The following CD163L1 variants were observed in gnomAD, a reference collection of about 807,000 sequenced individuals.
CD163L1 encodes the protein CD163 molecule like 1.
CD163L1 carries 124 observed loss-of-function variants against 165.4 expected under a neutral mutation model. That is an observed-to-expected ratio of 0.75 (90% CI 0.65 to 0.87). The LOEUF (loss-of-function observed/expected upper bound fraction) is 0.87, where lower values mean the gene tolerates loss of function less well. Among genes scored for constraint, CD163L1 ranks in the 40% least tolerant of loss-of-function variants. CD163L1 has a pLI of 0.00. For synonymous variants in CD163L1, 585 were observed against 662.2 expected (o/e 0.88, Z 1.79); for missense variants, 1,525 against 1,799.9 (o/e 0.85, Z 2.76).
At chr12:7,339,618 TG>T in the CD163L1 span, among the ~76,000 whole-genome samples, 3 of 152,120 alleles carry the variant, frequency 2.0e-5, no homozygotes, top group African/African-American at 7.2e-5. Flanking sequence ...CTCTTCAAAG[TG>T]TGTGCATGAC....
At chr12:7,323,564 T>A in the CD163L1 span, 2 of 1,610,110 alleles carry the variant, frequency 1.2e-6, no homozygotes, top group East Asian at 4.5e-5. Flanking sequence ...ATATGTGGTA[T>A]GAGGATAGAA....
chr12:7,390,485 G>A (rs777648780), intron 8 of CD163L1, among the ~76,000 whole-genome samples: 176 of 152,066 alleles, frequency 1.2e-3, no homozygotes, highest in African/African-American at 4.1e-3. Context: ...CCATAAATAC[G>A]TACACATATT....
At chr12:7,421,048 T>TACATATATATATAC (rs1491151771) in intron 4 of CD163L1, among the ~76,000 whole-genome samples, 2 of 85,880 alleles carry the variant, frequency 2.3e-5, no homozygotes, top group Admixed American at 1.6e-4. Context: ...TGTATATATA[T>TACATATATATATAC]GTATATACGT....
At chr12:7,424,388 T>C (rs1475461748) in intron 4 of CD163L1, among the ~76,000 whole-genome samples, 2 of 151,948 alleles carry the variant, frequency 1.3e-5, no homozygotes, top group East Asian at 3.9e-4. Context: ...TCATACTGAA[T>C]GGGCAAAAGC....
chr12:7,424,464 AT>A, intron 4 of CD163L1, among the ~76,000 whole-genome samples: 3 of 152,220 alleles, frequency 2.0e-5, no homozygotes, highest in African/African-American at 7.2e-5. Flanking sequence ...CCTATTCAAC[AT>A]AGTGTTGGAA....
rs964025273 is a variant in CD163L1, at chr12:7,374,945, G to A, written c.3002-22C>T. 1.9e-6 allele frequency: 3 copies of A among 1,609,842 alleles called. No homozygotes were observed. Among genetic ancestry groups the A allele is most frequent in the Non-Finnish European group, 2.6e-6 (3 of 1,176,146 alleles). ...CTTCCTGGTGGAGGGTGCAGGAAAT[G>A]GGGCAAAAGTAAGACCAAAATACAT... is the stretch of plus-strand genomic sequence containing the variant. On this transcript the variant is annotated intron_variant, in intron 11 of 19. Coordinates refer to ENST00000313599, the MANE Select transcript of CD163L1 (RefSeq NM_174941.6). The surrounding 1 kb of genome is among the most constrained non-coding windows in gnomAD (Gnocchi z 5.4).
At chr12:7,352,679 G>A (rs371259124), downstream of CD163L1, among the ~76,000 whole-genome samples, 9 of 152,182 alleles carry the variant, frequency 5.9e-5, no homozygotes, top group East Asian at 1.4e-3. Context: ...GGGATGACCT[G>A]TTTTAAAACC....
the CD163L1 span, among the ~76,000 whole-genome samples, chr12:7,337,611 A>G: frequency 1.3e-5 from 2 of 152,240 alleles, no homozygotes; most frequent in Admixed American, 6.5e-5. Context: ...TCAAAACCAC[A>G]ATGAGATACC....
At position 7,369,496 on chromosome 12, in the gene CD163L1, C is replaced by A; in HGVS notation, c.3900G>T (p.Ser1300=). 1 of 1,614,178 alleles carries A rather than the reference C, an allele frequency of 6.2e-7. No homozygotes were observed. Among genetic ancestry groups the A allele is most frequent in the Non-Finnish European group, 8.5e-7 (1 of 1,180,022 alleles). The change falls in exon 15 of 20, where the codon TCG becomes TCT. Residue 1300 remains serine, a synonymous_variant. Transcript: ENST00000313599. This position sits in a 1 kb window ranked among gnomAD's most constrained non-coding sequence, Gnocchi z 4.9. ...AGATGGTTCCAGTTCCCTGGCCAAA[C>A]GAAGCGTCCCTCAGGGCAGCCAGAG... ...GSALAALRDA[S]FGQGTGTIWL...
rs779329849 is a variant in CD163L1 at position 7,433,558 on chromosome 12, T to C, written c.261A>G (p.Lys87=). The change falls in exon 3 of 20, where the codon AAA becomes AAG. Residue 87 remains lysine (K), a synonymous_variant. Coordinates refer to ENST00000313599, the MANE Select transcript of CD163L1 (RefSeq NM_174941.6). The part of the protein sequence containing the change: ...WNTTASTVVC[K]QLGCPFSFAM... ...CGAAAGAAAATGGACATCCAAGCTG[T>C]TTGCACACGACAGTTGAGGCAGTAG... is the stretch of plus-strand genomic sequence containing the variant. The C allele has an allele frequency of 3.1e-6, 5 of 1,613,980 alleles. No individual in the cohort carries two copies. In the Admixed American group the frequency reaches 8.3e-5, roughly 27 times the overall value.
rs766241455 is a variant in CD163L1, at chr12:7,396,141, T to C, written c.2004A>G (p.Gly668=). Residue 668 remains glycine, a synonymous_variant, in exon 8 of 20, where the codon GGA becomes GGG. Transcript: ENST00000313599. ...DLWSCRNSGW[G]NNDCSHSEDV... is the part of the protein sequence containing the mutation. ...CTTCACTGTGACTGCAGTCATTATT[T>C]CCCCACCCACTGTTCCTGCATGACC... is the stretch of plus-strand genomic sequence containing the variant. 1 of 1,614,082 alleles carries C rather than the reference T, an allele frequency of 6.2e-7. No homozygotes were observed. The highest frequency in any genetic ancestry group is 2.2e-5 in the East Asian group (1 of 44,874).
At chr12:7,431,165 G>C (rs966765225) in intron 4 of CD163L1, among the ~76,000 whole-genome samples, 1 of 152,134 alleles carries the variant, frequency 6.6e-6, no homozygotes, top group African/African-American at 2.4e-5. Context: ...GCTCACGGCT[G>C]TAATCCCTGC....
Position 7,369,079 on chromosome 12 carries a change from G to A in CD163L1, c.4040-114C>T. The A allele has an allele frequency of 2.6e-6, 3 of 1,173,468 alleles. No homozygotes were observed. In the South Asian group the frequency reaches 3.9e-5, roughly 15 times the overall value. 72.7% of individuals were successfully genotyped at this position (1,173,468 alleles called of 1,614,324 possible). ...TTTAAATATCCTTTTAACATCTCCT[G>A]TGAATACTGGATGTCATTTAAAATA... On this transcript the variant is annotated intron_variant, in intron 15 of 19. Transcript: ENST00000313599. The surrounding 1 kb of genome is among the most constrained non-coding windows in gnomAD (Gnocchi z 4.9).
At chr12:7,402,170 C>A (rs146912806) in intron 6 of CD163L1, among the ~76,000 whole-genome samples, 2 of 151,944 alleles carry the variant, frequency 1.3e-5, no homozygotes, top group African/African-American at 4.8e-5. Flanking sequence ...TATCCAACAG[C>A]CTAAACACCA....
At chr12:7,384,476 T>C (rs1411646743) in intron 8 of CD163L1, among the ~76,000 whole-genome samples, 1 of 151,992 alleles carries the variant, frequency 6.6e-6, no homozygotes. Context: ...TCCCACAAAA[T>C]GTATTCTCCA....
chr12:7,367,467 G>T, intron 17 of CD163L1, 136 bp from the exon 18 acceptor site: 4 of 480,728 alleles, frequency 8.3e-6, no homozygotes, highest in South Asian at 4.6e-5. Context: ...ACCTACCCCT[G>T]CTAGTGAATT....
downstream of CD163L1, among the ~76,000 whole-genome samples, chr12:7,344,382 C>G (rs1049668866): frequency 6.6e-6 from 1 of 152,210 alleles, no homozygotes; most frequent in Non-Finnish European, 1.5e-5. Flanking sequence ...GCCACCATAC[C>G]TAGCTCAGTC....
the CD163L1 span, among the ~76,000 whole-genome samples, chr12:7,340,006 G>A: frequency 6.6e-6 from 1 of 152,068 alleles, no homozygotes. Context: ...CATAATTCCT[G>A]CAGGTTGTGT....
intron 4 of CD163L1, among the ~76,000 whole-genome samples, chr12:7,413,481 T>C (rs1283163566): frequency 5.3e-5 from 8 of 152,212 alleles, no homozygotes; most frequent in Admixed American, 5.2e-4. Flanking sequence ...TCATTATCTC[T>C]ACCAAGAAAC....
Sources: allele counts gnomAD v4.1 joint callset (sites outside exome capture counted in the v4.1 genomes callset), GRCh38; gene constraint gnomAD v4.1.1; non-coding constraint Gnocchi (gnomAD v3.1); transcripts MANE v1.5; gene names NCBI Gene and HGNC (gene_info 2026-07-23, HGNC 2026-07-21).